Variants in HS3ST4 observed in about 807,000 individuals in gnomAD.
HS3ST4 encodes the protein heparan sulfate-glucosamine 3-sulfotransferase 4, also known as heparan sulfate glucosamine 3-O-sulfotransferase 4.
A neutral mutation model predicts 29.2 loss-of-function variants in HS3ST4; 17 were observed. That is an observed-to-expected ratio of 0.58 (90% CI 0.40 to 0.87). The LOEUF (loss-of-function observed/expected upper bound fraction) is 0.87, where lower values mean the gene tolerates loss of function less well. Among genes scored for constraint, HS3ST4 ranks in the 40% least tolerant of loss-of-function variants. The pLI is 0.00. For missense variants in HS3ST4, 627 were observed against 634.5 expected (o/e 0.99, Z 0.13); for synonymous variants, 314 against 285.7 (o/e 1.10, Z -1.00).
At chr16:25,944,484 T>TA (rs1044295717) in intron 1 of HS3ST4, among the ~76,000 whole-genome samples, 3 of 152,256 alleles carry the variant, frequency 2.0e-5, no homozygotes, top group Non-Finnish European at 4.4e-5. Flanking sequence ...GGGTAGGCAC[T>TA]AAAACCACAA....
chr16:26,020,766 C>T (rs1969405391), intron 1 of HS3ST4, among the ~76,000 whole-genome samples: 1 of 152,160 alleles, frequency 6.6e-6, no homozygotes, highest in Non-Finnish European at 1.5e-5. Flanking sequence ...CAGAATCTGC[C>T]TTCAAGTAGA....
chr16:25,769,153 G>A (rs1966838951), intron 1 of HS3ST4, among the ~76,000 whole-genome samples: 1 of 152,158 alleles, frequency 6.6e-6, no homozygotes, highest in African/African-American at 2.4e-5. Flanking sequence ...GCAGGAGACA[G>A]CTTGCAAGAG....
rs141184058 is a variant in HS3ST4, at chr16:25,988,149, G to A, written c.735-147463G>A. ...GCTGCCGGCTAATTCATCTGACTTC[G>A]TCTGCACGCCTGTCTTCCATGAGCA... On this transcript the variant is annotated intron_variant, in intron 1 of 1. Transcript: ENST00000331351. Among the ~76,000 whole-genome samples, 403 of 152,284 alleles carry A rather than the reference G, an allele frequency of 2.6e-3. 1 individual carries two copies. The highest frequency in any genetic ancestry group is 4.9e-3 in the Non-Finnish European group (336 of 68,030).
intron 1 of HS3ST4, among the ~76,000 whole-genome samples, chr16:25,910,543 T>C (rs765822551): frequency 9.9e-5 from 15 of 151,860 alleles, no homozygotes; most frequent in Non-Finnish European, 2.1e-4. Context: ...CTTGGGAGGC[T>C]GAGGCAGGAG....
chr16:26,040,633 T>C (rs1303131887), intron 1 of HS3ST4, among the ~76,000 whole-genome samples: 1 of 151,386 alleles, frequency 6.6e-6, no homozygotes, highest in Non-Finnish European at 1.5e-5. Flanking sequence ...ATGTCTCTGC[T>C]TGTCTTACTT....
chr16:26,135,922 C>A lies in HS3ST4; in HGVS notation c.1045C>A (p.Leu349Ile). The A allele has an allele frequency of 6.2e-7, 1 of 1,613,996 alleles. No individual in the cohort carries two copies. The highest frequency in any genetic ancestry group is 8.5e-7 in the Non-Finnish European group (1 of 1,179,870). ...HLENWLQYFPLSQILFVSGER... is the reference protein window; with the variant it reads ...HLENWLQYFPISQILFVSGER... ...GGAAAACTGGCTCCAGTATTTCCCCCTCTCCCAGATCCTCTTTGTCAGTGG... is the reference window on the plus strand; with the variant it reads ...GGAAAACTGGCTCCAGTATTTCCCCATCTCCCAGATCCTCTTTGTCAGTGG... Residue 349 changes from leucine to isoleucine, a missense_variant, in exon 2 of 2, where the codon CTC (leucine) becomes ATC (isoleucine). Physicochemically the swap from Leu to Ile is conservative, Grantham distance 5 (BLOSUM62 2). Transcript: ENST00000331351.
chr16:26,135,198 T>C (rs777818398), intron 1 of HS3ST4, among the ~76,000 whole-genome samples: 1 of 152,222 alleles, frequency 6.6e-6, no homozygotes. Context: ...TATTGAACTC[T>C]TACACATGCC....
At chr16:25,954,212 G>T (rs542371899) in intron 1 of HS3ST4, among the ~76,000 whole-genome samples, 53 of 152,272 alleles carry the variant, frequency 3.5e-4, no homozygotes, top group Non-Finnish European at 6.9e-4. Flanking sequence ...CAAAGAAAAA[G>T]AATTAACTTT....
intron 1 of HS3ST4, among the ~76,000 whole-genome samples, chr16:25,939,816 G>A (rs978724385): frequency 6.6e-6 from 1 of 152,160 alleles, no homozygotes; most frequent in Non-Finnish European, 1.5e-5. Flanking sequence ...CCAGAATGAG[G>A]AAGGTTTGGA....
intron 1 of HS3ST4, among the ~76,000 whole-genome samples, chr16:26,015,805 A>T (rs912148860): frequency 6.6e-6 from 1 of 152,222 alleles, no homozygotes; most frequent in African/African-American, 2.4e-5. Context: ...TTAGAGGCCA[A>T]ATTCCTTACT....
chr16:25,946,198 A>G (rs1231240820), intron 1 of HS3ST4, among the ~76,000 whole-genome samples: 3 of 152,230 alleles, frequency 2.0e-5, no homozygotes, highest in East Asian at 1.9e-4. Flanking sequence ...TCCTCTTCCA[A>G]TTGCAGGAGG....
At chr16:26,064,304 C>CA (rs990295946) in intron 1 of HS3ST4, among the ~76,000 whole-genome samples, 4 of 151,142 alleles carry the variant, frequency 2.6e-5, no homozygotes, top group South Asian at 2.1e-4. Context: ...AATCCCTATC[C>CA]AAAAAAAAAG....
At chr16:25,733,566 T>A (rs58739707) in intron 1 of HS3ST4, among the ~76,000 whole-genome samples, 1 of 152,186 alleles carries the variant, frequency 6.6e-6, no homozygotes, top group East Asian at 1.9e-4. Context: ...GGATTAAAAA[T>A]CATGGTGCAG....
At chr16:25,976,566 G>A (rs1199288142) in intron 1 of HS3ST4, among the ~76,000 whole-genome samples, 11 of 152,136 alleles carry the variant, frequency 7.2e-5, no homozygotes, top group Non-Finnish European at 8.8e-5. Flanking sequence ...GGTGTATGGC[G>A]GTGGGGGTTT....
At chr16:25,979,130 C>T (rs972795641) in intron 1 of HS3ST4, among the ~76,000 whole-genome samples, 1 of 152,054 alleles carries the variant, frequency 6.6e-6, no homozygotes, top group Admixed American at 6.6e-5. Flanking sequence ...CTCCGGACCT[C>T]AGGTGATCCG....
intron 1 of HS3ST4, among the ~76,000 whole-genome samples, chr16:25,797,659 A>G (rs1415844695): frequency 2.0e-5 from 3 of 152,174 alleles, no homozygotes; most frequent in South Asian, 2.1e-4. Flanking sequence ...ATCAAGTGAT[A>G]TGTTTGCAGA....
chr16:25,971,050 C>T (rs887955758), intron 1 of HS3ST4, among the ~76,000 whole-genome samples: 5 of 151,960 alleles, frequency 3.3e-5, no homozygotes, highest in African/African-American at 1.2e-4. Context: ...GGGGTTTCAC[C>T]ATGTTGGCCA....
intron 1 of HS3ST4, among the ~76,000 whole-genome samples, chr16:25,816,932 C>T (rs74014110): frequency 2.0e-5 from 3 of 152,096 alleles, no homozygotes; most frequent in Admixed American, 2.0e-4. Context: ...AATCCATTAA[C>T]CCATGAATGG....
At chr16:25,749,212 G>A (rs1966703209) in intron 1 of HS3ST4, among the ~76,000 whole-genome samples, 1 of 152,148 alleles carries the variant, frequency 6.6e-6, no homozygotes, top group South Asian at 2.1e-4. Context: ...GGGGCTGTGG[G>A]GCCGGGTGCA....
Sources: allele counts gnomAD v4.1 joint callset (sites outside exome capture counted in the v4.1 genomes callset), GRCh38; gene constraint gnomAD v4.1.1; transcripts MANE v1.5; gene names NCBI Gene and HGNC (gene_info 2026-07-23, HGNC 2026-07-21).